The following FAM117A variants were observed in gnomAD, a reference collection of about 807,000 sequenced individuals.
The protein encoded by FAM117A is family with sequence similarity 117 member A.
In FAM117A, 21 loss-of-function variants were observed where a neutral mutation model predicts 44.1. That is an observed-to-expected ratio of 0.48 (90% CI 0.34 to 0.69). The LOEUF (loss-of-function observed/expected upper bound fraction) is 0.69. Among genes scored for constraint, FAM117A ranks in the 30% least tolerant of loss-of-function variants. The pLI is 0.01. For missense variants in FAM117A, 498 were observed against 589.9 expected (o/e 0.84, Z 1.61); for synonymous variants, 220 against 238.3 (o/e 0.92, Z 0.71).
chr17:49,762,741 AG>A (rs1474440549), intron 1 of FAM117A, among the ~76,000 whole-genome samples: 1 of 152,228 alleles, frequency 6.6e-6, no homozygotes, highest in Admixed American at 6.5e-5. Context: ...CGGCTTTGGA[AG>A]TGTGCAATGA....
At chr17:49,768,475 T>G (rs1196484276), upstream of FAM117A, among the ~76,000 whole-genome samples, 1 of 152,172 alleles carries the variant, frequency 6.6e-6, no homozygotes, top group Admixed American at 6.5e-5. Context: ...TCCTAGTAAA[T>G]TCTAAGTGCT....
intron 2 of FAM117A, among the ~76,000 whole-genome samples, chr17:49,729,241 G>A (rs971391482): frequency 6.6e-6 from 1 of 152,126 alleles, no homozygotes; most frequent in Non-Finnish European, 1.5e-5. Context: ...TCAGAGGAAG[G>A]AGCTGCTTAG....
upstream of FAM117A, among the ~76,000 whole-genome samples, chr17:49,767,938 T>C (rs2073750100): frequency 6.6e-6 from 1 of 152,044 alleles, no homozygotes; most frequent in African/African-American, 2.4e-5. Flanking sequence ...AGATTATAGA[T>C]ACTAAGTGTA....
At chr17:49,767,866 G>A (rs998030387), upstream of FAM117A, among the ~76,000 whole-genome samples, 1 of 152,040 alleles carries the variant, frequency 6.6e-6, no homozygotes, top group Non-Finnish European at 1.5e-5. Context: ...TTGCACCACT[G>A]CGCTCCAGAC....
chr17:49,743,060 CTG>C (rs1195976348), intron 1 of FAM117A, among the ~76,000 whole-genome samples: 1 of 152,292 alleles, frequency 6.6e-6, no homozygotes, highest in Admixed American at 6.5e-5. Flanking sequence ...ATAGAAAAAA[CTG>C]AGACCTTTTA....
chr17:49,785,469 C>T (rs1247038466), intron 1 of FAM117A, among the ~76,000 whole-genome samples: 2 of 152,160 alleles, frequency 1.3e-5, no homozygotes, highest in Non-Finnish European at 2.9e-5. Flanking sequence ...TATGATTGTG[C>T]CACTGCACTC....
intron 1 of FAM117A, among the ~76,000 whole-genome samples, chr17:49,762,649 G>C (rs1157029302): frequency 1.3e-5 from 2 of 152,204 alleles, no homozygotes; most frequent in Non-Finnish European, 2.9e-5. Flanking sequence ...ATCATCAGAA[G>C]CTCAAGAGAC....
At chr17:49,750,173 AG>A (rs2073670680) in intron 1 of FAM117A, among the ~76,000 whole-genome samples, 1 of 148,930 alleles carries the variant, frequency 6.7e-6, no homozygotes, top group Non-Finnish European at 1.5e-5. Context: ...GCCTATTAAC[AG>A]CTGCCCCATT....
At chr17:49,775,956 G>C (rs1293966802) in intron 1 of FAM117A, among the ~76,000 whole-genome samples, 1 of 152,146 alleles carries the variant, frequency 6.6e-6, no homozygotes, top group Non-Finnish European at 1.5e-5. Context: ...TTCTTCTCCT[G>C]ATGAGAAACC....
intron 2 of FAM117A, among the ~76,000 whole-genome samples, chr17:49,730,015 A>G (rs2073577977): frequency 6.6e-6 from 1 of 152,184 alleles, no homozygotes; most frequent in Non-Finnish European, 1.5e-5. Flanking sequence ...AGACCTCCAC[A>G]GTGTAATACC....
chr17:49,763,087 A>T (rs2073728464), intron 1 of FAM117A, among the ~76,000 whole-genome samples: 1 of 151,618 alleles, frequency 6.6e-6, no homozygotes, highest in South Asian at 2.1e-4. Flanking sequence ...GTAGAAAGAA[A>T]GGTAGGGGGC....
At chr17:49,723,619 T>C (rs1014806500) in intron 2 of FAM117A, among the ~76,000 whole-genome samples, 3 of 152,132 alleles carry the variant, frequency 2.0e-5, no homozygotes, top group African/African-American at 4.8e-5. Flanking sequence ...CCAAGAGATC[T>C]GCTGACCTCC....
intron 1 of FAM117A, among the ~76,000 whole-genome samples, chr17:49,744,699 C>T (rs893312941): frequency 3.3e-5 from 5 of 151,600 alleles, no homozygotes; most frequent in Non-Finnish European, 4.4e-5. Flanking sequence ...AGTTGTCGTA[C>T]TGTATTATTT....
At chr17:49,716,017 G>T in intron 7 of FAM117A, 148 bp downstream of exon 7, 2 of 828,918 alleles carry the variant, frequency 2.4e-6, no homozygotes, top group Non-Finnish European at 1.9e-6. Context: ...AGTAGGTAAT[G>T]TCAACACGTT....
At chr17:49,755,642 T>C (rs1042103990) in intron 1 of FAM117A, among the ~76,000 whole-genome samples, 1 of 152,186 alleles carries the variant, frequency 6.6e-6, no homozygotes, top group African/African-American at 2.4e-5. Flanking sequence ...TGCCACGTCT[T>C]TGCCACCAAC....
rs1178553586 is a variant in FAM117A at position 49,711,008 on chromosome 17, G to GA, written c.*246dup. 9.9e-6 allele frequency: 4 copies of GA among 405,166 alleles called. No homozygotes were observed. The highest frequency in any genetic ancestry group is 8.3e-5 in the African/African-American group (4 of 48,480). 25.1% of individuals were successfully genotyped at this position (405,166 alleles called of 1,614,324 possible). ...TCTGGGTGTTTTCCACCAAGTGAGG[G>GA]ATGTGGCAGGTACACAGGTGTGAAT... On this transcript the variant is annotated 3_prime_UTR_variant, in exon 8 of 8. Coordinates refer to ENST00000240364, the MANE Select transcript of FAM117A (RefSeq NM_030802.4).
intron 1 of FAM117A, among the ~76,000 whole-genome samples, chr17:49,754,462 G>T (rs963840986): frequency 6.6e-6 from 1 of 151,836 alleles, no homozygotes; most frequent in African/African-American, 2.4e-5. Context: ...CCACCACCAC[G>T]CCCGGCTAAT....
intron 1 of FAM117A, among the ~76,000 whole-genome samples, chr17:49,742,264 C>A (rs2073637631): frequency 6.6e-6 from 1 of 152,130 alleles, no homozygotes; most frequent in Non-Finnish European, 1.5e-5. Context: ...GTGTGTCCGA[C>A]TTCCCAAGAT....
chr17:49,720,383 T>C lies in FAM117A; in HGVS notation c.516A>G (p.Lys172=). The C allele has an allele frequency of 6.2e-7, 1 of 1,613,920 alleles. No individual in the cohort carries two copies. The highest frequency in any genetic ancestry group is 8.5e-7 in the Non-Finnish European group (1 of 1,180,018). The change falls in exon 4 of 8, where the codon AAA becomes AAG. Residue 172 remains lysine (K), a synonymous_variant. Transcript: ENST00000240364. ...GGAGTGGTGAACCTCGCTCCTTCTC[T>C]TTCCCACTGCGGCTCAGCTTCGTCC... is the stretch of plus-strand genomic sequence containing the variant. ...LQRTKLSRSG[K]EKERGSPLLG...
Sources: gnomAD v4.1 joint callset for allele counts (sites outside exome capture counted in the v4.1 genomes callset) on GRCh38, gnomAD v4.1.1 for gene constraint, MANE v1.5 for transcripts, NCBI Gene and HGNC (gene_info 2026-07-23, HGNC 2026-07-21) for gene names.